The following MIER2 variants were observed in gnomAD, a reference collection of about 807,000 sequenced individuals.
MIER2 encodes the protein MIER family member 2, also known as mesoderm induction early response protein 2.
MIER2 carries 30 observed loss-of-function variants against 67.6 expected under a neutral mutation model. The observed-to-expected ratio is 0.44, with a 90% CI of 0.33 to 0.60. The LOEUF (loss-of-function observed/expected upper bound fraction) is 0.60, where lower values mean the gene tolerates loss of function less well. MIER2 is among the 20% of genes least tolerant of loss of function. MIER2 has a pLI of 0.02. For missense variants in MIER2, 702 were observed against 745.1 expected (o/e 0.94, Z 0.67); for synonymous variants, 372 against 312.6 (o/e 1.19, Z -2.00).
At chr19:333,456 A>G (rs1330992326) in intron 3 of MIER2, among the ~76,000 whole-genome samples, 1 of 42,732 alleles carries the variant, frequency 2.3e-5, no homozygotes, top group Non-Finnish European at 3.9e-5. Context: ...TTAACTTTTC[A>G]TGTAATAAAA....
intron 1 of MIER2, chr19:344,291 G>T: frequency 3.0e-6 from 3 of 985,066 alleles, no homozygotes; most frequent in Non-Finnish European, 3.6e-6. Flanking sequence ...GCGGGCGGCG[G>T]AGGCGCGGTG....
At chr19:344,423 G>A (rs1600187426) in intron 1 of MIER2, 1 of 978,120 alleles carries the variant, frequency 1.0e-6, no homozygotes, top group African/African-American at 1.8e-5. Flanking sequence ...GCCGGGAACC[G>A]GAGCCGGACC....
chr19:310,677 C>G (rs1239264475), intron 10 of MIER2, among the ~76,000 whole-genome samples: 1 of 148,490 alleles, frequency 6.7e-6, no homozygotes, highest in Admixed American at 6.7e-5. Flanking sequence ...GCTCCAGAAA[C>G]ACAGCCCAGA....
chr19:325,758 G>A, intron 6 of MIER2, 54 bp from the exon 7 acceptor site: 1 of 1,600,514 alleles, frequency 6.2e-7, no homozygotes, highest in Non-Finnish European at 8.6e-7. Context: ...AGGCCGGGCG[G>A]GAGGCTGGCT....
intron 1 of MIER2, among the ~76,000 whole-genome samples, chr19:343,039 T>G (rs1053463450): frequency 5.9e-5 from 9 of 152,164 alleles, no homozygotes; most frequent in African/African-American, 2.2e-4. Context: ...AGAGGCCCTG[T>G]CTGCTCCATT....
intron 7 of MIER2, among the ~76,000 whole-genome samples, chr19:319,027 A>C (rs1469719234): frequency 6.8e-6 from 1 of 147,506 alleles, no homozygotes; most frequent in African/African-American, 2.5e-5. Context: ...ACTGCACTCC[A>C]GCCTGGGCCA....
chr19:334,597 C>A, intron 2 of MIER2, 55 bp from the exon 3 acceptor site: 1 of 1,585,892 alleles, frequency 6.3e-7, no homozygotes, highest in South Asian at 1.1e-5. Context: ...TCCCAACCAT[C>A]CTGCCGAGAC....
chr19:309,519 T>C (rs1325903887), intron 10 of MIER2, among the ~76,000 whole-genome samples: 1 of 151,596 alleles, frequency 6.6e-6, no homozygotes, highest in Non-Finnish European at 1.5e-5. Context: ...ATTCCCAACG[T>C]AGCACATAAA....
intron 7 of MIER2, among the ~76,000 whole-genome samples, chr19:318,944 C>CTACACCG (rs1455416981): frequency 6.6e-6 from 1 of 151,286 alleles, no homozygotes; most frequent in Non-Finnish European, 1.5e-5. Context: ...ATAGTCCCAG[C>CTACACCG]TACTTGGGAG....
In MIER2 at chr19:305,730, G is replaced by GCCGCCGC. The variant is rs1457672452; in HGVS notation, c.*953_*959dup. On this transcript the variant is annotated 3_prime_UTR_variant, in exon 14 of 14. Coordinates refer to ENST00000264819, the MANE Select transcript of MIER2 (RefSeq NM_017550.3). ...CCGGACGACACCCGGGGCAGGGCGC[G>GCCGCCGC]CCGCCGCCCACGGAGGACCCCACTC... 2 of 152,316 alleles carry GCCGCCGC rather than the reference G, an allele frequency of 1.3e-5. No individual in the cohort carries two copies. The highest frequency in any genetic ancestry group is 2.9e-5 in the Non-Finnish European group (2 of 68,052). The allele number at this position is 152,316 out of a possible 1,614,324, so 9.4% of individuals were successfully genotyped here.
intron 3 of MIER2, among the ~76,000 whole-genome samples, chr19:328,460 T>A (rs1281340975): frequency 6.7e-6 from 1 of 149,642 alleles, no homozygotes; most frequent in African/African-American, 2.5e-5. Flanking sequence ...GAAAACTACA[T>A]AAACAGGCCA....
chr19:343,592 A>G (rs1972600307), intron 1 of MIER2, among the ~76,000 whole-genome samples: 1 of 152,238 alleles, frequency 6.6e-6, no homozygotes, highest in African/African-American at 2.4e-5. Context: ...CGCCCAAGAC[A>G]TAAACACGCA....
chr19:327,759 G>A lies in MIER2; in HGVS notation c.369+105C>T, dbSNP rs1971825834. On this transcript the variant is annotated intron_variant, in intron 4 of 13. Coordinates refer to ENST00000264819, the MANE Select transcript of MIER2 (RefSeq NM_017550.3). ...CACAGGTACATTCTACTTATTCTGG[G>A]GGCCTTTGTGCCTCCTCTCACTGAA... 4 of 1,511,586 alleles carry A rather than the reference G, an allele frequency of 2.6e-6. No individual in the cohort carries two copies. In the Admixed American group the frequency reaches 8.8e-5, roughly 33 times the overall value. The allele number at this position is 1,511,586 out of a possible 1,614,324, so 93.6% of individuals were successfully genotyped here.
chr19:327,709 G>A (rs1269572640), intron 4 of MIER2, among the ~76,000 whole-genome samples, 155 bp downstream of exon 4: 4 of 152,208 alleles, frequency 2.6e-5, no homozygotes, highest in Non-Finnish European at 4.4e-5. Flanking sequence ...CATGCCCATG[G>A]CCATTCCAAC....
chr19:307,968 G>A (rs1379756628), intron 12 of MIER2, among the ~76,000 whole-genome samples: 2 of 145,210 alleles, frequency 1.4e-5, no homozygotes, highest in Admixed American at 6.8e-5. Context: ...GGAAGTAGCC[G>A]AGGTGGACAC....
chr19:321,110 A>T (rs2145430013), intron 7 of MIER2, among the ~76,000 whole-genome samples: 1 of 152,296 alleles, frequency 6.6e-6, no homozygotes, highest in Non-Finnish European at 1.5e-5. Context: ...CTCAGCTGGA[A>T]CTGTACGTCA....
At chr19:335,933 G>T in intron 2 of MIER2, 150 bp downstream of exon 2, 1 of 729,682 alleles carries the variant, frequency 1.4e-6, no homozygotes, top group Non-Finnish European at 2.3e-6. Flanking sequence ...CTGCCCCACA[G>T]CTCCATCTGA....
chr19:339,693 T>C (rs1364807928), intron 1 of MIER2, among the ~76,000 whole-genome samples: 2 of 152,132 alleles, frequency 1.3e-5, no homozygotes, highest in Non-Finnish European at 2.9e-5. Context: ...GAAAGACTCA[T>C]GCTCCTGAAA....
At chr19:313,678 A>C (rs1971118686) in intron 7 of MIER2, 35 bp from the exon 8 acceptor site, 2 of 1,597,196 alleles carry the variant, frequency 1.3e-6, no homozygotes, top group South Asian at 2.2e-5. Context: ...AGCTTGCAGG[A>C]ACCCAATCTG....
Sources: gnomAD v4.1 joint callset for allele counts (sites outside exome capture counted in the v4.1 genomes callset) on GRCh38, gnomAD v4.1.1 for gene constraint, MANE v1.5 for transcripts, NCBI Gene and HGNC (gene_info 2026-07-23, HGNC 2026-07-21) for gene names.